The following PPP2R5E variants were observed in gnomAD, a reference collection of about 807,000 sequenced individuals.
The protein encoded by PPP2R5E is protein phosphatase 2 regulatory subunit B'epsilon, also known as serine/threonine-protein phosphatase 2A 56 kDa regulatory subunit epsilon isoform.
A neutral mutation model predicts 65.3 loss-of-function variants in PPP2R5E; 4 were observed. The observed-to-expected ratio is 0.06, with a 90% CI of 0.03 to 0.14. The LOEUF (loss-of-function observed/expected upper bound fraction) is 0.14, where lower values mean the gene tolerates loss of function less well. Ranked by LOEUF, PPP2R5E falls within the 10% of genes least tolerant of loss-of-function variation. The probability of loss-of-function intolerance (pLI) is 1.00; values close to 1 mark genes in which losing one functional copy is unlikely to be tolerated. For synonymous variants in PPP2R5E, 183 were observed against 187.4 expected (o/e 0.98, Z 0.19); for missense variants, 274 against 556.1 (o/e 0.49, Z 5.10).
At chr14:63,467,099 G>A (rs1331041290) in intron 2 of PPP2R5E, among the ~76,000 whole-genome samples, 4 of 151,726 alleles carry the variant, frequency 2.6e-5, no homozygotes, top group South Asian at 2.1e-4. Context: ...GGTGGCAGGC[G>A]CCTGTAGTCC....
chr14:63,428,911 G>C (rs1887479907), intron 3 of PPP2R5E, among the ~76,000 whole-genome samples: 1 of 152,060 alleles, frequency 6.6e-6, no homozygotes, highest in East Asian at 1.9e-4. Context: ...GATTTTGATT[G>C]GCATTTTGTT....
intron 3 of PPP2R5E, among the ~76,000 whole-genome samples, chr14:63,434,239 C>CA (rs939533111): frequency 1.6e-4 from 25 of 151,942 alleles, no homozygotes; most frequent in South Asian, 6.2e-4. Flanking sequence ...AGTATAACAG[C>CA]AAAAAAACAA....
At chr14:63,394,345 A>G (rs1365825091) in intron 7 of PPP2R5E, among the ~76,000 whole-genome samples, 1 of 152,152 alleles carries the variant, frequency 6.6e-6, no homozygotes, top group Non-Finnish European at 1.5e-5. Flanking sequence ...TTGGCCTCCC[A>G]AAGTGCTGGG....
intron 3 of PPP2R5E, among the ~76,000 whole-genome samples, chr14:63,428,405 A>T (rs1887453834): frequency 6.6e-6 from 1 of 152,228 alleles, no homozygotes; most frequent in South Asian, 2.1e-4. Context: ...CGTCCCATGC[A>T]ATATTTGGGA....
At chr14:63,500,998 CTAT>C (rs1302764817) in intron 2 of PPP2R5E, among the ~76,000 whole-genome samples, 9 of 152,178 alleles carry the variant, frequency 5.9e-5, no homozygotes, top group African/African-American at 1.7e-4. Flanking sequence ...CATCTACATA[CTAT>C]TATTATCTCC....
At chr14:63,456,111 T>G (rs1232732952) in intron 2 of PPP2R5E, among the ~76,000 whole-genome samples, 1 of 152,190 alleles carries the variant, frequency 6.6e-6, no homozygotes, top group Non-Finnish European at 1.5e-5. Flanking sequence ...TCAAAATCTT[T>G]AGGGAAATTT....
intron 3 of PPP2R5E, among the ~76,000 whole-genome samples, chr14:63,426,500 C>A (rs1245674201): frequency 6.6e-6 from 1 of 151,662 alleles, no homozygotes; most frequent in African/African-American, 2.4e-5. Flanking sequence ...AAATGGTCCA[C>A]TAAATGGAAA....
chr14:63,425,507 G>C (rs1258090891), intron 3 of PPP2R5E, among the ~76,000 whole-genome samples: 1 of 152,160 alleles, frequency 6.6e-6, no homozygotes, highest in Non-Finnish European at 1.5e-5. Context: ...ACCATGAAAG[G>C]GGGGAAAAGG....
At chr14:63,523,756 A>AT (rs1893071480) in intron 2 of PPP2R5E, among the ~76,000 whole-genome samples, 1 of 152,080 alleles carries the variant, frequency 6.6e-6, no homozygotes, top group African/African-American at 2.4e-5. Context: ...AAAAAAAAAA[A>AT]AAATTAATTT....
At chr14:63,434,397 C>T (rs999645150) in intron 3 of PPP2R5E, among the ~76,000 whole-genome samples, 3 of 152,158 alleles carry the variant, frequency 2.0e-5, no homozygotes, top group Admixed American at 2.0e-4. Context: ...TGTTCAGGAT[C>T]TGGGAATACT....
chr14:63,382,101 G>A lies in PPP2R5E; in HGVS notation c.1259C>T (p.Thr420Ile). 1 of 1,613,752 alleles carries A rather than the reference G, an allele frequency of 6.2e-7. No homozygotes were observed. The highest frequency in any genetic ancestry group is 8.5e-7 in the Non-Finnish European group (1 of 1,179,782). Residue 420 changes from threonine (T) to isoleucine (I), a missense_variant, in exon 13 of 14, where the codon ACC (threonine) becomes ATC (isoleucine). This residue lies in a region of PPP2R5E where 129 missense variants were observed against 254.9 expected (regional missense o/e 0.51). Coordinates refer to ENST00000337537, the MANE Select transcript of PPP2R5E (RefSeq NM_006246.5). ...VLKAFMEMNSTMFDELTATYK... is the reference protein window; with the variant it reads ...VLKAFMEMNSIMFDELTATYK... Reference sequence around the variant, plus strand: ...TGTGGCTGTCAGCTCGTCAAACATGGTGCTGTTCATTTCCATAAATGCCTT... The same window carrying A: ...TGTGGCTGTCAGCTCGTCAAACATGATGCTGTTCATTTCCATAAATGCCTT...
At chr14:63,382,915 T>TTA (rs59385089) in intron 12 of PPP2R5E, among the ~76,000 whole-genome samples, 15,018 of 151,930 alleles carry the variant, frequency 0.099, 1,697 homozygotes, top group African/African-American at 0.26. Flanking sequence ...GAAACAAATG[T>TTA]TATATATATA....
In PPP2R5E at chr14:63,394,098, A is replaced by G. The variant is rs1033179230; in HGVS notation, c.741-170T>C. Among the ~76,000 whole-genome samples, 21 of 67,096 alleles carry G rather than the reference A, an allele frequency of 3.1e-4. No individual in the cohort carries two copies. The Admixed American group carries it at 4.4e-3, about 14-fold the overall frequency. 44.0% of individuals were successfully genotyped at this position (67,096 alleles called of 152,430 possible). On this transcript the variant is annotated intron_variant, in intron 7 of 13. Transcript: ENST00000337537. ...TTTTTTTTTTTTTTTTTTTTTTTTG[A>G]GACAGAGTCATCTTGCTCTATTGCC...
At chr14:63,511,853 T>C (rs1008688413) in intron 2 of PPP2R5E, among the ~76,000 whole-genome samples, 2 of 151,554 alleles carry the variant, frequency 1.3e-5, no homozygotes, top group Non-Finnish European at 2.9e-5. Context: ...CCGAGGTGAG[T>C]GGATCACATG....
chr14:63,512,100 A>C (rs1892484120), intron 2 of PPP2R5E, among the ~76,000 whole-genome samples: 1 of 151,404 alleles, frequency 6.6e-6, no homozygotes, highest in African/African-American at 2.4e-5. Context: ...AAAAAAAAAA[A>C]AAAAGAATCT....
Position 63,391,957 on chromosome 14 carries a change from G to A in PPP2R5E, c.903+15C>T. 3 of 1,607,528 alleles carry A rather than the reference G, an allele frequency of 1.9e-6. No individual in the cohort carries two copies. Among genetic ancestry groups the A allele is most frequent in the Non-Finnish European group, 1.7e-6 (2 of 1,176,618 alleles). On this transcript the variant is annotated intron_variant, in intron 9 of 13. Coordinates refer to ENST00000337537, the MANE Select transcript of PPP2R5E (RefSeq NM_006246.5). ...ATTTTTCTTAAGTTTTTGAAATTAT[G>A]GAAAAAAGACTTACTGGTTCTGTGA... is the stretch of plus-strand genomic sequence containing the variant.
intron 3 of PPP2R5E, chr14:63,452,197 C>T (rs1888879909): frequency 6.6e-6 from 1 of 152,204 alleles, no homozygotes; most frequent in East Asian, 1.9e-4. Flanking sequence ...AGAAGAAAGT[C>T]ATAACCGATA....
At chr14:63,531,241 G>A (rs910987717) in intron 2 of PPP2R5E, among the ~76,000 whole-genome samples, 3 of 152,058 alleles carry the variant, frequency 2.0e-5, no homozygotes, top group South Asian at 2.1e-4. Flanking sequence ...CCATTAACTC[G>A]TCATTTAACA....
At chr14:63,485,902 T>C (rs1269738228) in intron 2 of PPP2R5E, among the ~76,000 whole-genome samples, 1 of 147,480 alleles carries the variant, frequency 6.8e-6, no homozygotes, top group African/African-American at 2.5e-5. Context: ...CGACCTCAGC[T>C]CACTGTAACC....
Sources: allele counts gnomAD v4.1 joint callset (sites outside exome capture counted in the v4.1 genomes callset), GRCh38; gene constraint gnomAD v4.1.1; regional missense constraint gnomAD v4.1.1; transcripts MANE v1.5; gene names NCBI Gene and HGNC (gene_info 2026-07-23, HGNC 2026-07-21).